Variants in FHIT observed in about 807,000 individuals in gnomAD.
The protein encoded by FHIT is bis(5'-adenosyl)-triphosphatase.
FHIT carries 19 observed loss-of-function variants against 17.9 expected under a neutral mutation model. The ratio of observed to expected loss-of-function variants is 1.06; its 90% CI spans 0.74 to 1.56. FHIT has a LOEUF of 1.56. Ranked by LOEUF, FHIT falls within the 40% of genes most tolerant of loss-of-function variation. The pLI, the probability that FHIT is intolerant of heterozygous loss-of-function variation, is 0.00. For synonymous variants in FHIT, 81 were observed against 69.7 expected (o/e 1.16, Z -0.81); for missense variants, 248 against 189.2 (o/e 1.31, Z -1.82).
Position 60,217,030 on chromosome 3 carries a change from G to A in FHIT, c.104-202878C>T, listed in dbSNP as rs531968699. Among the ~76,000 whole-genome samples, 356 of 152,230 alleles carry A rather than the reference G, an allele frequency of 2.3e-3. 2 individuals carry two copies. The highest frequency in any genetic ancestry group is 3.8e-3 in the Non-Finnish European group (261 of 68,012). ...GAGGAGAAGTGTGATAGTTTCACCA[G>A]CTACACAAATACTAGTTCAAGTAAT... On this transcript the variant is annotated intron_variant, in intron 5 of 9. Transcript: ENST00000492590.
intron 5 of FHIT, among the ~76,000 whole-genome samples, chr3:60,154,050 C>T (rs760345236): frequency 1.3e-5 from 2 of 152,154 alleles, no homozygotes; most frequent in South Asian, 4.1e-4. Flanking sequence ...AACGAAGGCA[C>T]CTTCTTTGTT....
intron 5 of FHIT, among the ~76,000 whole-genome samples, chr3:60,460,478 G>T (rs1384729323): frequency 2.0e-5 from 3 of 151,704 alleles, no homozygotes; most frequent in South Asian, 2.1e-4. Context: ...AAAACTTTTT[G>T]GGGATATTGC....
intron 3 of FHIT, among the ~76,000 whole-genome samples, chr3:61,036,375 C>T (rs1163499140): frequency 6.6e-6 from 1 of 152,028 alleles, no homozygotes; most frequent in East Asian, 1.9e-4. Context: ...GATTACCATT[C>T]AACATGAGAT....
intron 3 of FHIT, among the ~76,000 whole-genome samples, chr3:60,915,915 C>T (rs1486065351): frequency 6.6e-6 from 1 of 152,012 alleles, no homozygotes; most frequent in Admixed American, 6.6e-5. Context: ...CACCAAAGTA[C>T]GTTGAAAAAT....
intron 5 of FHIT, among the ~76,000 whole-genome samples, chr3:60,183,558 C>A (rs73097594): frequency 1.1e-4 from 17 of 152,272 alleles, no homozygotes; most frequent in African/African-American, 3.8e-4. Context: ...ACAGACTTGA[C>A]CAGAGGTTCC....
intron 4 of FHIT, among the ~76,000 whole-genome samples, chr3:60,692,654 C>T (rs1351871561): frequency 1.3e-5 from 2 of 152,092 alleles, no homozygotes; most frequent in Non-Finnish European, 2.9e-5. Context: ...AACATCTTAG[C>T]CCACTAATAT....
intron 4 of FHIT, among the ~76,000 whole-genome samples, chr3:60,595,934 A>G (rs537296330): frequency 1.1e-4 from 16 of 151,886 alleles, no homozygotes; most frequent in Non-Finnish European, 2.4e-4. Context: ...CCCATAATAT[A>G]TTTTCCTTTG....
At chr3:60,419,736 G>C (rs1702400011) in intron 5 of FHIT, among the ~76,000 whole-genome samples, 1 of 152,012 alleles carries the variant, frequency 6.6e-6, no homozygotes, top group South Asian at 2.1e-4. Flanking sequence ...CTGTCACTTT[G>C]ATGAAACCTA....
At chr3:60,698,026 A>G (rs1328769679) in intron 4 of FHIT, among the ~76,000 whole-genome samples, 1 of 152,212 alleles carries the variant, frequency 6.6e-6, no homozygotes, top group African/African-American at 2.4e-5. Flanking sequence ...CTGTCTAACA[A>G]TGCTAACCAC....
Position 60,739,030 on chromosome 3 carries a change from G to A in FHIT, c.-18+82889C>T, listed in dbSNP as rs375724377. Among the ~76,000 whole-genome samples the A allele has an allele frequency of 2.4e-4, 37 of 152,256 alleles. No individual in the cohort carries two copies. The South Asian group carries it at 5.8e-3, about 24-fold the overall frequency. On this transcript the variant is annotated intron_variant, in intron 4 of 9. Transcript: ENST00000492590. The stretch of plus-strand genomic sequence containing the variant: ...AGAGGAGAAGGAATGTCTGAACGCC[G>A]AGAGGAACTCAGCTGGGGGCAGTCG...
At chr3:60,592,070 G>T (rs557202920) in intron 4 of FHIT, among the ~76,000 whole-genome samples, 2 of 151,550 alleles carry the variant, frequency 1.3e-5, no homozygotes, top group South Asian at 4.2e-4. Flanking sequence ...CTGTTAAAGT[G>T]ATTTATCTTA....
chr3:60,653,077 T>A (rs1041820705), intron 4 of FHIT, among the ~76,000 whole-genome samples: 1 of 152,164 alleles, frequency 6.6e-6, no homozygotes, highest in East Asian at 1.9e-4. Context: ...ATAGCCTTCT[T>A]ATTGCCTCAT....
At chr3:60,370,689 A>C (rs1452341245) in intron 5 of FHIT, among the ~76,000 whole-genome samples, 1 of 151,920 alleles carries the variant, frequency 6.6e-6, no homozygotes, top group East Asian at 1.9e-4. Context: ...TCCTCCTTTA[A>C]TTATATCTGA....
intron 3 of FHIT, among the ~76,000 whole-genome samples, chr3:60,928,831 T>C (rs1331614265): frequency 5.3e-5 from 8 of 152,106 alleles, no homozygotes; most frequent in South Asian, 4.1e-4. Flanking sequence ...TTCCAATCAA[T>C]AGAAAAAGAG....
At chr3:60,678,675 G>C (rs1553696049) in intron 4 of FHIT, among the ~76,000 whole-genome samples, 1 of 152,008 alleles carries the variant, frequency 6.6e-6, no homozygotes, top group Non-Finnish European at 1.5e-5. Flanking sequence ...ATAGAAATAG[G>C]GGTTAATAGA....
intron 4 of FHIT, among the ~76,000 whole-genome samples, chr3:60,585,512 A>G (rs1403543604): frequency 6.6e-6 from 1 of 152,058 alleles, no homozygotes; most frequent in Non-Finnish European, 1.5e-5. Context: ...ATTCTGCAAC[A>G]AAATATTTAA....
At chr3:61,152,187 G>A (rs927430078) in intron 2 of FHIT, among the ~76,000 whole-genome samples, 3 of 152,086 alleles carry the variant, frequency 2.0e-5, no homozygotes, top group African/African-American at 7.2e-5. Context: ...TTAACGAATG[G>A]GTAAGAGTTA....
intron 7 of FHIT, among the ~76,000 whole-genome samples, chr3:60,010,444 T>C (rs949199179): frequency 1.3e-5 from 2 of 152,232 alleles, no homozygotes; most frequent in South Asian, 2.1e-4. Context: ...AGAATAGCTG[T>C]GTTAAAGACA....
intron 2 of FHIT, among the ~76,000 whole-genome samples, chr3:61,178,312 G>C (rs751565247): frequency 6.6e-6 from 1 of 151,870 alleles, no homozygotes; most frequent in Admixed American, 6.6e-5. Flanking sequence ...GCTTATCAAG[G>C]CTAAAGAATC....
Sources: allele counts gnomAD v4.1 joint callset (sites outside exome capture counted in the v4.1 genomes callset), GRCh38; gene constraint gnomAD v4.1.1; transcripts MANE v1.5; gene names NCBI Gene and HGNC (gene_info 2026-07-23, HGNC 2026-07-21).